LPL: variants seen among roughly 807,000 people sequenced by gnomAD.
LPL encodes phospholipase A1.
Under a neutral mutation model 52.2 loss-of-function variants are expected in LPL, and 43 were observed. The ratio of observed to expected loss-of-function variants is 0.82; its 90% CI spans 0.64 to 1.06. The LOEUF (loss-of-function observed/expected upper bound fraction) is 1.06, where lower values mean the gene tolerates loss of function less well. LPL is among the 50% of genes least tolerant of loss of function. LPL has a pLI of 0.00. For missense variants in LPL, 639 were observed against 585.3 expected, an observed-to-expected ratio of 1.09 and a Z score of -0.95; for synonymous variants, 244 against 215.6, an observed-to-expected ratio of 1.13 and a Z score of -1.15.
chr8:19,940,647 T>C (rs933006299), intron 1 of LPL, among the ~76,000 whole-genome samples: 3 of 152,246 alleles, frequency 2.0e-5, no homozygotes, highest in Non-Finnish European at 1.5e-5. Context: ...CATGCTGGAA[T>C]TGCAATTAGG....
chr8:19,941,566 A>G (rs2069839214), intron 1 of LPL, among the ~76,000 whole-genome samples: 2 of 152,224 alleles, frequency 1.3e-5, no homozygotes, highest in African/African-American at 4.8e-5. Context: ...GTTGTAGCCA[A>G]CACATGCTTT....
chr8:19,944,559 T>C lies in LPL; in HGVS notation c.89-3621T>C, dbSNP rs1046801575. Among the ~76,000 whole-genome samples the C allele has an allele frequency of 3.9e-5, 6 of 152,198 alleles. No individual in the cohort carries two copies. The highest frequency in any genetic ancestry group is 5.9e-5 in the Non-Finnish European group (4 of 68,028). On this transcript the variant is annotated intron_variant, in intron 1 of 9. Transcript: ENST00000650287. This position sits in a 1 kb window ranked among gnomAD's most constrained non-coding sequence, Gnocchi z 4.2. ...TCATGTCATTGCATAAATGTTCATC[T>C]TACTCACGTGATGACTTTGATCTGC...
chr8:19,948,610 G>C, intron 2 of LPL: 1 of 436,148 alleles, frequency 2.3e-6, no homozygotes, highest in Non-Finnish European at 4.2e-6. Flanking sequence ...AGGATGCTCT[G>C]CCCAGCTACT....
chr8:19,948,051 GT>G, intron 1 of LPL, 128 bp from the exon 2 acceptor site: 1 of 959,032 alleles, frequency 1.0e-6, no homozygotes, highest in Non-Finnish European at 1.7e-6. Flanking sequence ...ATCCACATTC[GT>G]TTTCGAAAAC....
intron 3 of LPL, among the ~76,000 whole-genome samples, chr8:19,952,289 G>A (rs1246493392): frequency 6.6e-6 from 1 of 152,146 alleles, no homozygotes. Flanking sequence ...CTACCAGTTG[G>A]CTGGCCTGTG....
chr8:19,948,088 C>T (rs969821234), intron 1 of LPL, 92 bp from the exon 2 acceptor site: 80 of 1,319,972 alleles, frequency 6.1e-5, no homozygotes, highest in Non-Finnish European at 7.9e-5. Flanking sequence ...ATAGCATCAG[C>T]GGTGGTTGCC....
Position 19,955,875 on chromosome 8 carries a change from C to T in LPL, c.810C>T (p.Arg270=). 1 of 1,614,196 alleles carries T rather than the reference C, an allele frequency of 6.2e-7. No homozygotes were observed. Among genetic ancestry groups the T allele is most frequent in the African/African-American group, 1.3e-5 (1 of 75,054 alleles). The stretch of plus-strand genomic sequence containing the variant: ...AGCTAGTGAAGTGCTCCCACGAGCG[C>T]TCCATTCATCTCTTCATCGACTCTC... The part of the protein sequence containing the change: ...VDQLVKCSHE[R]SIHLFIDSLL... The change falls in exon 6 of 10, where the codon CGC becomes CGT. Residue 270 remains arginine (R), a synonymous_variant. Transcript: ENST00000650287.
At position 19,939,283 on chromosome 8, in the gene LPL, T is replaced by C. The variant is rs2069807304; in HGVS notation, c.-158T>C. ...ACTCGATTCCCCCTCTTCCTCCTCC[T>C]CAAGGGAAAGCTGCCCACTTCTAGC... On this transcript the variant is annotated 5_prime_UTR_variant, in exon 1 of 10. Coordinates refer to ENST00000650287, the MANE Select transcript of LPL (RefSeq NM_000237.3). The surrounding 1 kb of genome is among the most constrained non-coding windows in gnomAD (Gnocchi z 4.0). 1.5e-6 allele frequency: 1 copy of C among 649,288 alleles called. No homozygotes were observed. The highest frequency in any genetic ancestry group is 1.8e-5 in the African/African-American group (1 of 55,514). The allele number at this position is 649,288 out of a possible 1,614,324, so 40.2% of individuals were successfully genotyped here.
At chr8:19,942,816 G>T (rs890000378) in intron 1 of LPL, among the ~76,000 whole-genome samples, 3 of 152,124 alleles carry the variant, frequency 2.0e-5, no homozygotes, top group Admixed American at 1.3e-4. Flanking sequence ...CACCATTTGC[G>T]TACTCAACAA....
At chr8:19,940,303 C>A (rs1052353779) in intron 1 of LPL, among the ~76,000 whole-genome samples, 1 of 152,228 alleles carries the variant, frequency 6.6e-6, no homozygotes, top group Non-Finnish European at 1.5e-5. Context: ...AATCTGTGGT[C>A]GCCGACTCGG....
intron 1 of LPL, among the ~76,000 whole-genome samples, chr8:19,940,581 G>A (rs781430323): frequency 1.3e-5 from 2 of 152,250 alleles, no homozygotes; most frequent in Non-Finnish European, 2.9e-5. Context: ...TGCAACAGCA[G>A]CATAGAGAGC....
intron 6 of LPL, among the ~76,000 whole-genome samples, chr8:19,958,074 C>T (rs2128838955): frequency 6.6e-6 from 1 of 151,770 alleles, no homozygotes; most frequent in South Asian, 2.1e-4. Context: ...GGCTGGAGTG[C>T]AGCGGCGCAA....
At position 19,955,916 on chromosome 8, in the gene LPL, A is replaced by G. The variant is rs778475550; in HGVS notation, c.851A>G (p.Asn284Ser). ...ATCGACTCTCTGTTGAATGAAGAAA[A>G]TCCAAGTAAGGCCTACAGGTGCAGT... ...LFIDSLLNEE[N>S]PSKAYRCSSK... Residue 284 changes from asparagine (N) to serine (S), a missense_variant, in exon 6 of 10, where the codon AAT (asparagine) becomes AGT (serine). Transcript: ENST00000650287. The G allele has an allele frequency of 6.2e-7, 1 of 1,614,204 alleles. No individual in the cohort carries two copies.
At chr8:19,963,022 T>C (rs2128839972) in intron 9 of LPL, among the ~76,000 whole-genome samples, 1 of 152,120 alleles carries the variant, frequency 6.6e-6, no homozygotes, top group Admixed American at 6.5e-5. Flanking sequence ...AGGGGAGAAA[T>C]ATTAGATCAT....
intron 6 of LPL, among the ~76,000 whole-genome samples, chr8:19,957,311 C>G (rs2069994646): frequency 6.6e-6 from 1 of 152,124 alleles, no homozygotes; most frequent in African/African-American, 2.4e-5. Context: ...AGATGGAAAC[C>G]TGAGGGAAGG....
chr8:19,955,122 G>A (rs746036185), intron 5 of LPL, among the ~76,000 whole-genome samples: 1 of 152,088 alleles, frequency 6.6e-6, no homozygotes, highest in Non-Finnish European at 1.5e-5. Flanking sequence ...ATTTTCGATT[G>A]TCCTAAAAAC....
rs1327215429 is a variant in LPL at position 19,965,770 on chromosome 8, CAG to C, written c.*462_*463del. 6.1e-6 allele frequency: 1 copy of C among 163,698 alleles called. No individual in the cohort carries two copies. Among genetic ancestry groups the C allele is most frequent in the Non-Finnish European group, 1.3e-5 (1 of 75,204 alleles). 10.1% of individuals were successfully genotyped at this position (163,698 alleles called of 1,614,324 possible). On this transcript the variant is annotated 3_prime_UTR_variant, in exon 10 of 10. Coordinates refer to ENST00000650287, the MANE Select transcript of LPL (RefSeq NM_000237.3). ...GAAAATGCTTTTCCGCGGCACGAATCAGACTCATCTACACAGCAGTATGAATG... is the reference window on the plus strand; with the variant it reads ...GAAAATGCTTTTCCGCGGCACGAATCACTCATCTACACAGCAGTATGAATG...
intron 2 of LPL, among the ~76,000 whole-genome samples, chr8:19,948,866 A>G (rs2069906681): frequency 6.6e-6 from 1 of 152,018 alleles, no homozygotes; most frequent in African/African-American, 2.4e-5. Context: ...AGGTTGCACT[A>G]GATGTCCCTA....
At chr8:19,951,996 C>T (rs755905645) in intron 3 of LPL, 48 bp downstream of exon 3, 19 of 1,603,146 alleles carry the variant, frequency 1.2e-5, no homozygotes, top group South Asian at 2.2e-5. Context: ...GTGTTTTTGA[C>T]TGGAGCCAGA....
Sources: gnomAD v4.1 joint callset for allele counts (sites outside exome capture counted in the v4.1 genomes callset) on GRCh38, gnomAD v4.1.1 for gene constraint, Gnocchi (gnomAD v3.1) non-coding constraint, MANE v1.5 for transcripts, NCBI Gene and HGNC (gene_info 2026-07-23, HGNC 2026-07-21) for gene names.